KIAA1671: variants seen among roughly 807,000 people sequenced by gnomAD.
The protein encoded by KIAA1671 is uncharacterized protein KIAA1671.
KIAA1671 carries 52 observed loss-of-function variants against 131.2 expected under a neutral mutation model. The observed-to-expected ratio is 0.40, with a 90% CI of 0.32 to 0.50. The LOEUF is 0.50. Among genes scored for constraint, KIAA1671 ranks in the 20% least tolerant of loss-of-function variants. The pLI is 0.73. For synonymous variants in KIAA1671, 1,003 were observed against 961.6 expected, an observed-to-expected ratio of 1.04 and a Z score of -0.80; for missense variants, 2,360 against 2,364.2, an observed-to-expected ratio of 1.00 and a Z score of 0.04.
At chr22:25,115,227 G>A (rs1028548287) in intron 6 of KIAA1671, among the ~76,000 whole-genome samples, 5 of 152,200 alleles carry the variant, frequency 3.3e-5, no homozygotes, top group African/African-American at 1.2e-4. Context: ...GAGGAGACAA[G>A]GTGGACTCCA....
intron 6 of KIAA1671, among the ~76,000 whole-genome samples, chr22:25,145,820 G>C (rs1457903439): frequency 1.3e-5 from 2 of 152,134 alleles, no homozygotes; most frequent in African/African-American, 4.8e-5. Flanking sequence ...GGCACCTGCA[G>C]TCTCAGCTAC....
intron 6 of KIAA1671, among the ~76,000 whole-genome samples, chr22:25,149,759 C>T (rs1045255677): frequency 1.9e-4 from 29 of 152,188 alleles, no homozygotes; most frequent in Middle Eastern, 3.4e-3. Context: ...CTACGTACAG[C>T]AGGTAGAGTG....
At chr22:25,011,634 C>CTTTTTTTTTTTTTTTTTTTTTTTT (rs35127110) in intron 1 of KIAA1671, 2 of 87,760 alleles carry the variant, frequency 2.3e-5, no homozygotes, top group Non-Finnish European at 5.1e-5. Context: ...CTTTTCTTTT[C>CTTTTTTTTTTTTTTTTTTTTTTTT]TTTTTTTTTT....
At chr22:25,169,019 A>G (rs1474070987) in intron 6 of KIAA1671, among the ~76,000 whole-genome samples, 2 of 152,112 alleles carry the variant, frequency 1.3e-5, no homozygotes, top group African/African-American at 4.8e-5. Context: ...GTGCCTCCTG[A>G]TCTCAAATGG....
At chr22:25,019,050 T>TG (rs1925504833) in intron 1 of KIAA1671, among the ~76,000 whole-genome samples, 1 of 144,110 alleles carries the variant, frequency 6.9e-6, no homozygotes, top group Non-Finnish European at 1.5e-5. Flanking sequence ...AATAGTTGTT[T>TG]TGTGTGTGTG....
chr22:25,190,033 C>CA (rs1934618869), intron 11 of KIAA1671, among the ~76,000 whole-genome samples: 2 of 152,196 alleles, frequency 1.3e-5, no homozygotes, highest in South Asian at 4.2e-4. Context: ...TTCCACAGAC[C>CA]AGGGGTATAG....
intron 1 of KIAA1671, among the ~76,000 whole-genome samples, chr22:25,006,636 C>G (rs930460137): frequency 6.6e-6 from 1 of 152,026 alleles, no homozygotes; most frequent in Admixed American, 6.5e-5. Flanking sequence ...TCTCACAATT[C>G]AGTGATTTAA....
rs373051657 is a variant in KIAA1671 at position 24,988,768 on chromosome 22, G to A, written c.-208+35996G>A. ...AAAAAAAAAAAAATGGGTTTGGGTG[G>A]TTTATCTCATCTGAGAATTGTGGTC... On this transcript the variant is annotated intron_variant, in intron 1 of 12. Transcript: ENST00000358431. Among the ~76,000 whole-genome samples, 145 of 151,006 alleles carry A rather than the reference G, an allele frequency of 9.6e-4. 3 individuals are homozygous for A. In the South Asian group the frequency reaches 0.018, roughly 18 times the overall value.
intron 6 of KIAA1671, among the ~76,000 whole-genome samples, chr22:25,107,973 A>C (rs895744792): frequency 6.6e-6 from 1 of 152,062 alleles, no homozygotes; most frequent in East Asian, 1.9e-4. Context: ...ACGCCATTGC[A>C]CTCCAGCCTA....
intron 1 of KIAA1671, among the ~76,000 whole-genome samples, chr22:24,956,024 C>CAAAAA (rs1167493018): frequency 3.9e-5 from 2 of 51,684 alleles, no homozygotes; most frequent in Non-Finnish European, 4.0e-5. Context: ...GACTCCGTCT[C>CAAAAA]AAAAAAAAAA....
chr22:25,051,399 T>C (rs1213516967), intron 6 of KIAA1671: 1 of 152,220 alleles, frequency 6.6e-6, no homozygotes, highest in Non-Finnish European at 1.5e-5. Context: ...TCACTAAATA[T>C]CAGTTTTTTC....
chr22:24,984,461 C>A (rs572631114), intron 1 of KIAA1671, among the ~76,000 whole-genome samples: 1 of 152,292 alleles, frequency 6.6e-6, no homozygotes, highest in Non-Finnish European at 1.5e-5. Context: ...CGGGAAATAG[C>A]CCAGGACAGG....
intron 1 of KIAA1671, among the ~76,000 whole-genome samples, chr22:24,974,433 G>A (rs999474158): frequency 1.3e-5 from 2 of 152,084 alleles, no homozygotes; most frequent in East Asian, 1.9e-4. Context: ...GGAAAGTGAG[G>A]TGGAGAGAGC....
chr22:25,040,989 G>T lies in KIAA1671; in HGVS notation c.3859G>T (p.Ala1287Ser). 6.8e-7 allele frequency: 1 copy of T among 1,476,624 alleles called. No homozygotes were observed. The highest frequency in any genetic ancestry group is 9.0e-7 in the Non-Finnish European group (1 of 1,113,354). 91.5% of individuals were successfully genotyped at this position (1,476,624 alleles called of 1,614,324 possible). Reference sequence around the variant, plus strand: ...GCAGCTGGCAGAGACCTTGGAGACAGCCATGGGCACCAAATCTAGCCCTCC... The same window carrying T: ...GCAGCTGGCAGAGACCTTGGAGACATCCATGGGCACCAAATCTAGCCCTCC... ...GKQLAETLET[A>S]MGTKSSPPFW... is the part of the protein sequence containing the mutation. Residue 1287 changes from alanine (A) to serine (S), a missense_variant, in exon 5 of 13, where the codon GCC becomes TCC. By Grantham distance (99) the Ala-to-Ser change is moderately conservative (BLOSUM62 1). Coordinates refer to ENST00000358431, the MANE Select transcript of KIAA1671 (RefSeq NM_001145206.2).
chr22:24,959,512 ACT>A (rs1038335968), intron 1 of KIAA1671, among the ~76,000 whole-genome samples: 7 of 152,134 alleles, frequency 4.6e-5, no homozygotes, highest in African/African-American at 1.7e-4. Context: ...ACAGAGTGAG[ACT>A]CTGTCTCAAA....
intron 6 of KIAA1671, chr22:25,060,337 C>CA (rs1774377616): frequency 1.3e-5 from 2 of 152,208 alleles, no homozygotes. Flanking sequence ...CGTGCACCAT[C>CA]ACGCCTGGCT....
At chr22:25,167,820 A>C (rs187364628) in intron 6 of KIAA1671, among the ~76,000 whole-genome samples, 13 of 152,230 alleles carry the variant, frequency 8.5e-5, no homozygotes, top group Non-Finnish European at 1.9e-4. Flanking sequence ...ATCATGGGGT[A>C]CATGAGTATC....
chr22:25,150,414 G>A (rs1347062274), intron 6 of KIAA1671, among the ~76,000 whole-genome samples: 1 of 152,154 alleles, frequency 6.6e-6, no homozygotes, highest in Admixed American at 6.5e-5. Flanking sequence ...AGCCAGGGAC[G>A]CAGGCTCTGT....
At chr22:25,000,615 C>T (rs1239844652) in intron 1 of KIAA1671, among the ~76,000 whole-genome samples, 2 of 151,294 alleles carry the variant, frequency 1.3e-5, no homozygotes, top group Non-Finnish European at 2.9e-5. Context: ...CTCCTGGGTT[C>T]AAACTATTCT....
Sources: gnomAD v4.1 joint callset for allele counts (sites outside exome capture counted in the v4.1 genomes callset) on GRCh38, gnomAD v4.1.1 for gene constraint, MANE v1.5 for transcripts, NCBI Gene and HGNC (gene_info 2026-07-23, HGNC 2026-07-21) for gene names.